Variants in CPAP observed in about 807,000 individuals in gnomAD.
The protein encoded by CPAP is centrosome assembly and centriole elongation protein, also known as centrosomal P4.1-associated protein.
the CPAP span, among the ~76,000 whole-genome samples, chr13:24,891,001 C>CAT: frequency 6.6e-6 from 1 of 151,920 alleles, no homozygotes. Context: ...CCACTACCCT[C>CAT]ATGTCCTTAA....
chr13:24,892,540 A>C, the CPAP span: 2 of 879,374 alleles, frequency 2.3e-6, no homozygotes, highest in Admixed American at 1.7e-5. Flanking sequence ...CTGCCCCCCC[A>C]GCCCCTGGCA....
At chr13:24,893,628 G>A in the CPAP span, among the ~76,000 whole-genome samples, 2 of 152,214 alleles carry the variant, frequency 1.3e-5, no homozygotes, top group East Asian at 3.8e-4. Context: ...CGAGTTTTCT[G>A]ACTTGAATGC....
the CPAP span, chr13:24,912,518 A>C: frequency 7.4e-7 from 1 of 1,356,568 alleles, no homozygotes; most frequent in South Asian, 1.2e-5. Context: ...AGAACAAATG[A>C]CTTTATTACA....
the CPAP span, chr13:24,913,020 GA>G: frequency 6.2e-7 from 1 of 1,613,194 alleles, no homozygotes; most frequent in Non-Finnish European, 8.5e-7. Flanking sequence ...TTGGCATCAG[GA>G]ACATCTTAGT....
chr13:24,922,515 G>A, the CPAP span, among the ~76,000 whole-genome samples: 1 of 152,244 alleles, frequency 6.6e-6, no homozygotes, highest in Non-Finnish European at 1.5e-5. Flanking sequence ...CAGAGAGACA[G>A]ACACCCCAGA....
the CPAP span, among the ~76,000 whole-genome samples, chr13:24,895,227 G>A: frequency 2.6e-5 from 4 of 152,256 alleles, no homozygotes; most frequent in Non-Finnish European, 5.9e-5. Context: ...GAGCAGCCCC[G>A]GAGGAGCCCG....
the CPAP span, chr13:24,884,287 G>T: frequency 6.2e-7 from 1 of 1,613,978 alleles, no homozygotes. Context: ...TCCAGAGATG[G>T]TTAAACTATG....
chr13:24,896,644 G>C, the CPAP span, among the ~76,000 whole-genome samples: 1 of 152,218 alleles, frequency 6.6e-6, no homozygotes, highest in African/African-American at 2.4e-5. Flanking sequence ...ACAACAAAAA[G>C]AAGTGTGTTT....
chr13:24,893,937 C>A, the CPAP span, among the ~76,000 whole-genome samples: 1 of 151,812 alleles, frequency 6.6e-6, no homozygotes, highest in Non-Finnish European at 1.5e-5. Flanking sequence ...GTGGCTGGGG[C>A]AGGTGAGGGG....
At chr13:24,907,584 A>G in the CPAP span, among the ~76,000 whole-genome samples, 6 of 152,316 alleles carry the variant, frequency 3.9e-5, no homozygotes, top group South Asian at 1.2e-3. Context: ...ATTATATTAA[A>G]AATTTTGAAA....
At chr13:24,923,618 T>C in the CPAP span, among the ~76,000 whole-genome samples, 1 of 152,210 alleles carries the variant, frequency 6.6e-6, no homozygotes, top group South Asian at 2.1e-4. Flanking sequence ...CTTCCATGTC[T>C]GATTAAACAG....
the CPAP span, among the ~76,000 whole-genome samples, chr13:24,886,565 G>C: frequency 6.6e-6 from 1 of 152,160 alleles, no homozygotes; most frequent in Non-Finnish European, 1.5e-5. Flanking sequence ...AAAAAGTACT[G>C]GGAGTACACA....
chr13:24,894,332 G>A, the CPAP span, among the ~76,000 whole-genome samples: 1 of 152,344 alleles, frequency 6.6e-6, no homozygotes, highest in East Asian at 1.9e-4. Flanking sequence ...GAATCTGAGT[G>A]GACTTTCTGT....
the CPAP span, among the ~76,000 whole-genome samples, chr13:24,898,337 T>G: frequency 6.6e-6 from 1 of 152,154 alleles, no homozygotes; most frequent in African/African-American, 2.4e-5. Flanking sequence ...AGAGATGAAA[T>G]TAGACAAAAT....
chr13:24,883,387 A>T, the CPAP span: 62 of 1,558,974 alleles, frequency 4.0e-5, no homozygotes, highest in South Asian at 1.6e-4. Flanking sequence ...ATTTAAAAAA[A>T]ATATGATTTC....
the CPAP span, chr13:24,892,657 T>C: frequency 2.7e-5 from 43 of 1,613,896 alleles, no homozygotes; most frequent in Admixed American, 6.7e-5. Flanking sequence ...AGCTTGTCCT[T>C]CTTCTCCACC....
At chr13:24,899,430 C>T in the CPAP span, 1 of 1,612,544 alleles carries the variant, frequency 6.2e-7, no homozygotes, top group South Asian at 1.1e-5. Context: ...TGTATTTCTT[C>T]ACGTTCCTTT....
At chr13:24,917,324 C>T in the CPAP span, among the ~76,000 whole-genome samples, 1 of 152,200 alleles carries the variant, frequency 6.6e-6, no homozygotes, top group African/African-American at 2.4e-5. Flanking sequence ...CACATGGCTA[C>T]TGAGCACTTG....
chr13:24,924,276 C>CA, the CPAP span, among the ~76,000 whole-genome samples: 1 of 151,412 alleles, frequency 6.6e-6, no homozygotes, highest in Non-Finnish European at 1.5e-5. Flanking sequence ...AAAGCATGCC[C>CA]AAAAGTCTCA....
Sources: allele counts gnomAD v4.1 joint callset (sites outside exome capture counted in the v4.1 genomes callset), GRCh38; gene constraint gnomAD v4.1.1; transcripts MANE v1.5; gene names NCBI Gene and HGNC (gene_info 2026-07-23, HGNC 2026-07-21).